IGF1R: variants seen among roughly 807,000 people sequenced by gnomAD.
IGF1R encodes the protein insulin like growth factor 1 receptor, also known as insulin-like growth factor 1 receptor.
Under a neutral mutation model 144.6 loss-of-function variants are expected in IGF1R, and 44 were observed. That is an observed-to-expected ratio of 0.30 (90% CI 0.24 to 0.39). IGF1R has a LOEUF of 0.39. Among genes scored for constraint, IGF1R ranks in the 10% least tolerant of loss-of-function variants. IGF1R has a pLI of 1.00. For synonymous variants in IGF1R, 795 were observed against 722.8 expected (o/e 1.10, Z -1.60); for missense variants, 1,355 against 1,833.7 (o/e 0.74, Z 4.77).
chr15:98,930,142 A>G, intron 14 of IGF1R, 93 bp from the exon 15 acceptor site: 1 of 858,292 alleles, frequency 1.2e-6, no homozygotes, highest in Non-Finnish European at 2.0e-6. Context: ...CGTGTGAGAG[A>G]GGATAAATGA....
intron 2 of IGF1R, among the ~76,000 whole-genome samples, chr15:98,865,512 C>A (rs918539518): frequency 1.3e-5 from 2 of 152,180 alleles, no homozygotes; most frequent in African/African-American, 4.8e-5. Context: ...CCGTCCCTCA[C>A]GTGGTCCCAG....
chr15:98,929,749 A>C (rs1399078490), intron 14 of IGF1R, 89 bp downstream of exon 14: 1 of 928,378 alleles, frequency 1.1e-6, no homozygotes, highest in Non-Finnish European at 1.8e-6. Flanking sequence ...TGAAGATTTC[A>C]AGGAAATATT....
At chr15:98,809,330 ATTC>A (rs2056535442) in intron 2 of IGF1R, among the ~76,000 whole-genome samples, 1 of 152,036 alleles carries the variant, frequency 6.6e-6, no homozygotes, top group African/African-American at 2.4e-5. Flanking sequence ...CCACGATTGG[ATTC>A]TATTAGTTCT....
chr15:98,896,951 T>A, intron 4 of IGF1R, 46 bp downstream of exon 4: 1 of 1,595,110 alleles, frequency 6.3e-7, no homozygotes. Flanking sequence ...CTCATGGTTT[T>A]CTTTTGTTGA....
At chr15:98,838,371 C>T (rs1335216157) in intron 2 of IGF1R, among the ~76,000 whole-genome samples, 2 of 152,220 alleles carry the variant, frequency 1.3e-5, no homozygotes, top group African/African-American at 4.8e-5. Flanking sequence ...GATCCTCTGC[C>T]TCTCATTCCA....
rs988442542 is a variant in IGF1R, at chr15:98,962,038, G to C, written c.*4596G>C. On this transcript the variant is annotated 3_prime_UTR_variant, in exon 21 of 21. Coordinates refer to ENST00000650285, the MANE Select transcript of IGF1R (RefSeq NM_000875.5). ...CTGGCACCAGATTCTAGGCCAGTTT[G>C]TTCCACTGAAGCTTTTCCCACAGCA... The C allele has an allele frequency of 8.6e-6, 2 of 233,244 alleles. No individual in the cohort carries two copies. The highest frequency in any genetic ancestry group is 1.7e-5 in the Non-Finnish European group (2 of 118,088). 14.4% of individuals were successfully genotyped at this position (233,244 alleles called of 1,614,324 possible).
intron 20 of IGF1R, among the ~76,000 whole-genome samples, chr15:98,948,960 T>C (rs1184761078): frequency 6.6e-6 from 1 of 152,246 alleles, no homozygotes; most frequent in African/African-American, 2.4e-5. Flanking sequence ...ACACTGTAGT[T>C]TCTCAGGCCA....
chr15:98,702,016 C>T (rs2053745685), intron 1 of IGF1R, among the ~76,000 whole-genome samples: 1 of 144,566 alleles, frequency 6.9e-6, no homozygotes, highest in South Asian at 2.2e-4. Flanking sequence ...GCACTCTGGG[C>T]TCATGGGAGT....
intron 2 of IGF1R, among the ~76,000 whole-genome samples, chr15:98,799,643 G>T (rs190571458): frequency 1.2e-4 from 19 of 152,302 alleles, no homozygotes; most frequent in Admixed American, 8.5e-4. Context: ...GCCGGCATGG[G>T]GGACCGAGTG....
rs562453091 is a variant in IGF1R at position 98,668,895 on chromosome 15, G to C, written c.94+19220G>C. Among the ~76,000 whole-genome samples the C allele has an allele frequency of 4.6e-5, 7 of 152,342 alleles. No individual in the cohort carries two copies. The South Asian group carries it at 1.4e-3, about 32-fold the overall frequency. On this transcript the variant is annotated intron_variant, in intron 1 of 20. Coordinates refer to ENST00000650285, the MANE Select transcript of IGF1R (RefSeq NM_000875.5). Reference sequence around the variant, plus strand: ...ACTTACTGCTGCAGCCCGCTTCAGAGCCCTCAGTAGTACTTTTTCCTCTCC... The same window carrying C: ...ACTTACTGCTGCAGCCCGCTTCAGACCCCTCAGTAGTACTTTTTCCTCTCC...
At position 98,924,066 on chromosome 15, in the gene IGF1R, T is replaced by C. The variant is rs2015605482; in HGVS notation, c.2622+54T>C. On this transcript the variant is annotated intron_variant, in intron 12 of 20. Coordinates refer to ENST00000650285, the MANE Select transcript of IGF1R (RefSeq NM_000875.5). ...CATGTACTTCCATCCATTGACAGCATATGCTACCTGACTGCACAGGTTACC... is the reference window on the plus strand; with the variant it reads ...CATGTACTTCCATCCATTGACAGCACATGCTACCTGACTGCACAGGTTACC... 4 of 1,537,956 alleles carry C rather than the reference T, an allele frequency of 2.6e-6. No homozygotes were observed. The East Asian group carries it at 9.0e-5, about 35-fold the overall frequency.
chr15:98,772,001 G>C (rs1340210646), intron 2 of IGF1R, among the ~76,000 whole-genome samples: 2 of 151,882 alleles, frequency 1.3e-5, no homozygotes, highest in South Asian at 4.1e-4. Context: ...TTATAGCAGC[G>C]TAGGTAAGGA....
intron 2 of IGF1R, among the ~76,000 whole-genome samples, chr15:98,795,525 C>T (rs528717088): frequency 7.2e-5 from 11 of 152,300 alleles, no homozygotes; most frequent in South Asian, 4.1e-4. Flanking sequence ...TGCCATTCTC[C>T]TGCCTCAGCC....
chr15:98,847,843 C>T (rs998030221), intron 2 of IGF1R, among the ~76,000 whole-genome samples: 1 of 152,132 alleles, frequency 6.6e-6, no homozygotes, highest in Admixed American at 6.5e-5. Context: ...GAGGATAACA[C>T]CAATGAAAGG....
intron 2 of IGF1R, among the ~76,000 whole-genome samples, chr15:98,804,827 T>C (rs1001593220): frequency 5.9e-5 from 9 of 152,294 alleles, no homozygotes; most frequent in Middle Eastern, 3.4e-3. Flanking sequence ...CCCGAGTAGC[T>C]GGAACTGCAG....
intron 2 of IGF1R, among the ~76,000 whole-genome samples, chr15:98,868,907 T>A (rs1471127640): frequency 6.6e-6 from 1 of 152,160 alleles, no homozygotes; most frequent in East Asian, 1.9e-4. Context: ...GAGAGGATTA[T>A]CTTCATTAAA....
Position 98,911,388 on chromosome 15 carries a change from C to A in IGF1R, c.1536C>A (p.Tyr512Ter). 6.2e-7 allele frequency: 1 copy of A among 1,614,206 alleles called. No individual in the cohort carries two copies. The highest frequency in any genetic ancestry group is 8.5e-7 in the Non-Finnish European group (1 of 1,180,020). The change falls in exon 7 of 21, where the codon TAC becomes TAA. Residue 512 changes from tyrosine (Y) to a stop codon, truncating the protein, a stop_gained. Coordinates refer to ENST00000650285, the MANE Select transcript of IGF1R (RefSeq NM_000875.5). LOFTEE classifies it high-confidence loss of function. ...GCATCATCATAACCTGGCACCGGTACCGGCCCCCTGACTACAGGGATCTCA... is the reference window on the plus strand; with the variant it reads ...GCATCATCATAACCTGGCACCGGTAACGGCCCCCTGACTACAGGGATCTCA... Reference protein sequence around the residue: ...KNRIIITWHRYRPPDYRDLIS... With the variant: ...KNRIIITWHR
Position 98,649,034 on chromosome 15 carries a change from A to T in IGF1R, c.-548A>T, listed in dbSNP as rs1332018866. 1 of 210,470 alleles carries T rather than the reference A, an allele frequency of 4.8e-6. No individual in the cohort carries two copies. The highest frequency in any genetic ancestry group is 2.9e-5 in the African/African-American group (1 of 34,036). The allele number at this position is 210,470 out of a possible 1,614,324, so 13.0% of individuals were successfully genotyped here. ...GGAGGCGGCGGCGAGCGGAGCCAGG[A>T]GGAGGAGGAGGAGGGGGAGCCGCTC... On this transcript the variant is annotated 5_prime_UTR_variant, in exon 1 of 21. Coordinates refer to ENST00000650285, the MANE Select transcript of IGF1R (RefSeq NM_000875.5).
At chr15:98,713,171 C>T (rs1167975482) in intron 2 of IGF1R, among the ~76,000 whole-genome samples, 1 of 152,080 alleles carries the variant, frequency 6.6e-6, no homozygotes, top group African/African-American at 2.4e-5. Context: ...TGTAAAGGCT[C>T]TGCAGATTTC....
Sources: allele counts gnomAD v4.1 joint callset (sites outside exome capture counted in the v4.1 genomes callset), GRCh38; gene constraint gnomAD v4.1.1; transcripts MANE v1.5; gene names NCBI Gene and HGNC (gene_info 2026-07-23, HGNC 2026-07-21).